GRID2: variants seen among roughly 807,000 people sequenced by gnomAD.
GRID2 encodes the protein glutamate receptor ionotropic, delta-2.
Under a neutral mutation model 114.8 loss-of-function variants are expected in GRID2, and 33 were observed. The observed-to-expected ratio is 0.29, with a 90% CI of 0.22 to 0.38. The LOEUF is 0.38. Ranked by LOEUF, GRID2 falls within the 10% of genes least tolerant of loss-of-function variation. GRID2 has a pLI of 1.00. For synonymous variants in GRID2, 505 were observed against 449.9 expected, an observed-to-expected ratio of 1.12 and a Z score of -1.55; for missense variants, 1,184 against 1,257.7, an observed-to-expected ratio of 0.94 and a Z score of 0.89.
intron 14 of GRID2, among the ~76,000 whole-genome samples, chr4:93,729,768 C>T (rs1032340598): frequency 2.0e-5 from 3 of 152,092 alleles, no homozygotes; most frequent in Non-Finnish European, 4.4e-5. Context: ...ATGCCCGGCA[C>T]AGAGAATCAT....
intron 2 of GRID2, among the ~76,000 whole-genome samples, chr4:92,981,185 G>T (rs946848754): frequency 6.6e-6 from 1 of 152,034 alleles, no homozygotes. Context: ...TAGTAGGAAA[G>T]TTTGCTGAAT....
intron 1 of GRID2, among the ~76,000 whole-genome samples, chr4:92,432,048 AC>A (rs1202011975): frequency 6.6e-6 from 1 of 152,222 alleles, no homozygotes; most frequent in Admixed American, 6.5e-5. Flanking sequence ...TGCCTGGTTT[AC>A]CAGGCGGGGA....
rs1320090236 is a variant in GRID2, at chr4:92,411,649, G to GTATATATATATA, written c.88+106906_88+106907insATATATATATAT. ...CATGTGTGTGTGTGTGTGTGTGTGTGTGTGTGTATATATATATATATATAT... is the reference window on the plus strand; with the variant it reads ...CATGTGTGTGTGTGTGTGTGTGTGTGTATATATATATATGTGTGTATATATATATATATATAT... On this transcript the variant is annotated intron_variant, in intron 1 of 15. Coordinates refer to ENST00000282020, the MANE Select transcript of GRID2 (RefSeq NM_001510.4). Among the ~76,000 whole-genome samples the GTATATATATATA allele has an allele frequency of 7.5e-3, 706 of 94,352 alleles. 7 individuals carry two copies. The highest frequency in any genetic ancestry group is 0.011 in the South Asian group (34 of 3,076). 61.9% of individuals were successfully genotyped at this position (94,352 alleles called of 152,430 possible).
intron 8 of GRID2, among the ~76,000 whole-genome samples, chr4:93,324,716 C>T (rs922076072): frequency 2.3e-4 from 35 of 152,044 alleles, no homozygotes; most frequent in African/African-American, 8.0e-4. Context: ...ATTTCAGAGT[C>T]TGTTATTGGT....
intron 2 of GRID2, among the ~76,000 whole-genome samples, chr4:92,935,972 A>C (rs1750642799): frequency 6.8e-6 from 1 of 146,238 alleles, no homozygotes; most frequent in Admixed American, 7.5e-5. Flanking sequence ...CCAGCATGGC[A>C]CGTGTATACA....
In GRID2 at chr4:92,788,933, C is replaced by G. The variant is rs567530678; in HGVS notation, c.244+198647C>G. Among the ~76,000 whole-genome samples, 33 of 151,880 alleles carry G rather than the reference C, an allele frequency of 2.2e-4. 2 individuals are homozygous for G. In the South Asian group the frequency reaches 6.8e-3, roughly 32 times the overall value. ...CTTTGATTTATTCTTGGATGAGGAA[C>G]AGAATTCTTCTTCCTATAACACATT... On this transcript the variant is annotated intron_variant, in intron 2 of 15. Transcript: ENST00000282020.
chr4:92,558,787 C>A (rs534870210), intron 1 of GRID2, among the ~76,000 whole-genome samples: 84 of 140,596 alleles, frequency 6.0e-4, no homozygotes, highest in African/African-American at 2.0e-3. Context: ...GCACCAAGGG[C>A]ACATTTCATA....
chr4:92,621,956 A>G (rs1362199987), intron 2 of GRID2, among the ~76,000 whole-genome samples: 5 of 151,858 alleles, frequency 3.3e-5, no homozygotes, highest in African/African-American at 9.7e-5. Flanking sequence ...GAAAGGAGCT[A>G]AAGAGGAGAA....
intron 1 of GRID2, among the ~76,000 whole-genome samples, chr4:92,489,400 T>C (rs1220521542): frequency 6.6e-6 from 1 of 152,160 alleles, no homozygotes; most frequent in East Asian, 1.9e-4. Flanking sequence ...AATCTCGATT[T>C]TGTAACAATA....
intron 10 of GRID2, among the ~76,000 whole-genome samples, chr4:93,434,186 T>A (rs1275498317): frequency 6.6e-6 from 1 of 152,182 alleles, no homozygotes; most frequent in African/African-American, 2.4e-5. Flanking sequence ...TCGGATAGAT[T>A]GGTAAAACTT....
At chr4:92,937,764 T>C (rs1323860168) in intron 2 of GRID2, among the ~76,000 whole-genome samples, 1 of 146,768 alleles carries the variant, frequency 6.8e-6, no homozygotes, top group Non-Finnish European at 1.5e-5. Context: ...GGGATTTCTA[T>C]ACGGATTGCA....
At chr4:93,277,855 G>A (rs1388404601) in intron 8 of GRID2, among the ~76,000 whole-genome samples, 2 of 151,926 alleles carry the variant, frequency 1.3e-5, no homozygotes, top group African/African-American at 4.8e-5. Context: ...AGGAATGAAT[G>A]AATGAACAGA....
At chr4:92,454,748 A>G (rs1447064756) in intron 1 of GRID2, among the ~76,000 whole-genome samples, 1 of 152,192 alleles carries the variant, frequency 6.6e-6, no homozygotes, top group Non-Finnish European at 1.5e-5. Context: ...AGGCAGGAGA[A>G]TGGCGCGAAC....
intron 2 of GRID2, among the ~76,000 whole-genome samples, chr4:93,043,769 G>A (rs538086680): frequency 1.6e-4 from 24 of 151,922 alleles, no homozygotes; most frequent in Non-Finnish European, 2.9e-4. Flanking sequence ...GTCGTGGGGT[G>A]GGGGGAGCGG....
intron 13 of GRID2, among the ~76,000 whole-genome samples, chr4:93,589,967 G>A (rs991756660): frequency 2.6e-5 from 4 of 150,986 alleles, no homozygotes; most frequent in African/African-American, 9.7e-5. Flanking sequence ...TTTGTCAGAT[G>A]AGTAGGTTGT....
At chr4:92,398,779 A>T (rs1730632341) in intron 1 of GRID2, among the ~76,000 whole-genome samples, 2 of 130,238 alleles carry the variant, frequency 1.5e-5, no homozygotes, top group African/African-American at 8.2e-5. Context: ...ATGATTGTAC[A>T]ACTATTTAGT....
chr4:93,462,527 C>T (rs375969101), intron 11 of GRID2, among the ~76,000 whole-genome samples: 6 of 152,254 alleles, frequency 3.9e-5, no homozygotes, highest in African/African-American at 1.2e-4. Flanking sequence ...AATCCCAAGA[C>T]AATTTTTGGA....
chr4:93,171,888 C>G (rs558736429), intron 4 of GRID2, among the ~76,000 whole-genome samples: 1 of 152,172 alleles, frequency 6.6e-6, no homozygotes, highest in South Asian at 2.1e-4. Context: ...CTTCATATGA[C>G]CAGAGGTGTG....
At chr4:92,735,235 C>G (rs1206988344) in intron 2 of GRID2, among the ~76,000 whole-genome samples, 7 of 152,010 alleles carry the variant, frequency 4.6e-5, no homozygotes, top group Admixed American at 4.6e-4. Flanking sequence ...GAAATATGTT[C>G]TGAGACCTCT....
Sources: allele counts gnomAD v4.1 joint callset (sites outside exome capture counted in the v4.1 genomes callset), GRCh38; gene constraint gnomAD v4.1.1; transcripts MANE v1.5; gene names NCBI Gene and HGNC (gene_info 2026-07-23, HGNC 2026-07-21).